CDK15: variants seen among roughly 807,000 people sequenced by gnomAD.
CDK15 encodes cyclin dependent kinase 15.
In CDK15, 62 loss-of-function variants were observed where a neutral mutation model predicts 60.3. That is an observed-to-expected ratio of 1.03 (90% CI 0.84 to 1.27). CDK15 has a LOEUF of 1.27. Among genes scored for constraint, CDK15 ranks in the 50% most tolerant of loss-of-function variants. CDK15 has a pLI of 0.00. For synonymous variants in CDK15, 194 were observed against 195.7 expected (o/e 0.99, Z 0.07); for missense variants, 541 against 527.8 (o/e 1.03, Z -0.25).
chr2:201,875,978 C>T (rs952947518), intron 11 of CDK15, among the ~76,000 whole-genome samples: 10 of 152,160 alleles, frequency 6.6e-5, no homozygotes, highest in Admixed American at 6.5e-5. Context: ...CCTTTAATAG[C>T]AGATTCTCAT....
intron 10 of CDK15, among the ~76,000 whole-genome samples, chr2:201,866,397 A>G (rs1698635243): frequency 6.6e-6 from 1 of 152,192 alleles, no homozygotes; most frequent in Admixed American, 6.5e-5. Context: ...GCTTTATTAA[A>G]TATTTATGAA....
rs1309547798 is a variant in CDK15, at chr2:201,878,508, C to T, written c.1059-1520C>T. Among the ~76,000 whole-genome samples the T allele has an allele frequency of 3.9e-5, 6 of 152,194 alleles. No individual in the cohort carries two copies. In the East Asian group the frequency reaches 9.6e-4, roughly 24 times the overall value. ...AGAAATCCTTTCCTGACCACCTCTT[C>T]CCATTATAGGTCAGGTATTGAGGCT... On this transcript the variant is annotated intron_variant, in intron 11 of 13. Transcript: ENST00000652192.
intron 4 of CDK15, among the ~76,000 whole-genome samples, chr2:201,819,152 G>C (rs1696115246): frequency 6.6e-6 from 1 of 152,096 alleles, no homozygotes; most frequent in Non-Finnish European, 1.5e-5. Flanking sequence ...GGGGTGGAGG[G>C]CTGCTGAGGT....
intron 11 of CDK15, among the ~76,000 whole-genome samples, chr2:201,879,595 G>A (rs1389451403): frequency 5.3e-5 from 8 of 152,150 alleles, no homozygotes; most frequent in African/African-American, 1.7e-4. Context: ...GGCCAGTCTG[G>A]TCCCAAACTC....
In CDK15 at chr2:201,807,605, T is replaced by G. The variant is rs764238297; in HGVS notation, c.235T>G (p.Cys79Gly). 372 of 1,614,004 alleles carry G rather than the reference T, an allele frequency of 2.3e-4. No individual in the cohort carries two copies. The highest frequency in any genetic ancestry group is 3.0e-4 in the Non-Finnish European group (355 of 1,180,032). Reference protein sequence around the residue: ...KSKRPRSNSDCFQEEDLRQGF... With the variant: ...KSKRPRSNSDGFQEEDLRQGF... ...TAAAAGGCCACGGAGTAACAGTGATTGTTTTCAGGAAGAGGATCTGAGGCA... is the reference window on the plus strand; with the variant it reads ...TAAAAGGCCACGGAGTAACAGTGATGGTTTTCAGGAAGAGGATCTGAGGCA... The change falls in exon 2 of 14, where the codon TGT (cysteine) becomes GGT (glycine). Residue 79 changes from cysteine to glycine, a missense_variant. By Grantham distance (159) the Cys-to-Gly change is radical. Coordinates refer to ENST00000652192, the MANE Select transcript of CDK15 (RefSeq NM_001366386.2).
In CDK15 at chr2:201,886,451, G is replaced by A. The variant is rs146866288; in HGVS notation, c.1199-4334G>A. Among the ~76,000 whole-genome samples, 423 of 151,746 alleles carry A rather than the reference G, an allele frequency of 2.8e-3. 7 individuals carry two copies. The highest frequency in any genetic ancestry group is 9.6e-3 in the African/African-American group (398 of 41,374). On this transcript the variant is annotated intron_variant, in intron 12 of 13. Transcript: ENST00000652192. ...AGAAATTCTCCCGCCTCAGCCTCCC[G>A]AGTAGCTGGGATTACCTGCCTGTGC...
At position 201,848,268 on chromosome 2, in the gene CDK15, T is replaced by C. The variant is rs565144043; in HGVS notation, c.945+794T>C. On this transcript the variant is annotated intron_variant, in intron 9 of 13. Transcript: ENST00000652192. ...TGCAGCTCCATTTCTTAATTCATTA[T>C]TTATCCCTACCGCAGTTGCCTATGA... Among the ~76,000 whole-genome samples, 8 of 152,332 alleles carry C rather than the reference T, an allele frequency of 5.3e-5. No individual in the cohort carries two copies. The East Asian group carries it at 1.5e-3, about 29-fold the overall frequency.
intron 10 of CDK15, among the ~76,000 whole-genome samples, chr2:201,864,358 C>G (rs541519012): frequency 1.3e-5 from 2 of 152,284 alleles, no homozygotes; most frequent in South Asian, 4.1e-4. Flanking sequence ...CACTCTGTCA[C>G]CCAGGCTGGG....
chr2:201,861,551 G>GTTTTTTTTTTTTTTTTTTTTTTTT (rs538808229), intron 10 of CDK15: 3 of 627,236 alleles, frequency 4.8e-6, no homozygotes, highest in African/African-American at 2.5e-5. Context: ...TTGTTGGTTT[G>GTTTTTTTTTTTTTTTTTTTTTTTT]TTTTTTTTTT....
chr2:201,887,280 G>T (rs1699484923), intron 12 of CDK15, among the ~76,000 whole-genome samples: 1 of 152,140 alleles, frequency 6.6e-6, no homozygotes, highest in African/African-American at 2.4e-5. Context: ...ATATTATAAA[G>T]TATCTCTGAA....
At position 201,822,857 on chromosome 2, in the gene CDK15, A is replaced by T; in HGVS notation, c.497A>T (p.Asp166Val). 6.2e-7 allele frequency: 1 copy of T among 1,613,416 alleles called. No individual in the cohort carries two copies. Residue 166 changes from aspartate to valine, a missense_variant, in exon 5 of 14, where the codon GAC (aspartate) becomes GTC (valine). Physicochemically the swap from Asp to Val is radical, Grantham distance 152. Coordinates refer to ENST00000652192, the MANE Select transcript of CDK15 (RefSeq NM_001366386.2). ...LKHANIVLLH[D>V]IIHTKETLTF... ...CATGCCAATATTGTGCTCCTGCATG[A>T]CATAATCCACACCAAAGAGACACTG... is the stretch of plus-strand genomic sequence containing the variant.
At chr2:201,860,855 T>C (rs1698364904) in intron 10 of CDK15, 1 of 1,352,066 alleles carries the variant, frequency 7.4e-7, no homozygotes. Flanking sequence ...TGTGAGAGCT[T>C]CACTGCGTCT....
Position 201,806,695 on chromosome 2 carries a change from C to T in CDK15, c.31C>T (p.Gln11Ter), listed in dbSNP as rs1695524252. MGQELCAKTV[Q>*]PGCSCYHCSE... ...TCAAGAGCTGTGTGCAAAGACTGTACAGCCTGGATGCAGCTGCTACCATTG... is the reference window on the plus strand; with the variant it reads ...TCAAGAGCTGTGTGCAAAGACTGTATAGCCTGGATGCAGCTGCTACCATTG... The change falls in exon 1 of 14, where the codon CAG becomes TAG. Residue 11 changes from glutamine (Q) to a stop codon, truncating the protein, a stop_gained. Transcript: ENST00000652192. LOFTEE classifies it high-confidence loss of function. The T allele has an allele frequency of 2.5e-6, 4 of 1,597,488 alleles. No individual in the cohort carries two copies. The African/African-American group carries it at 5.3e-5, about 21-fold the overall frequency.
In CDK15 at chr2:201,882,073, A is replaced by G. The variant is rs1019893688; in HGVS notation, c.1198+1906A>G. On this transcript the variant is annotated intron_variant, in intron 12 of 13. Coordinates refer to ENST00000652192, the MANE Select transcript of CDK15 (RefSeq NM_001366386.2). This position sits in a 1 kb window ranked among gnomAD's most constrained non-coding sequence, Gnocchi z 4.0. The stretch of plus-strand genomic sequence containing the variant: ...GAAGAAACAATCACTGTCCAAACTG[A>G]TGTGTTGTTAGAAACTTGGGTTTTG... Among the ~76,000 whole-genome samples the G allele has an allele frequency of 6.6e-6, 1 of 152,014 alleles. No homozygotes were observed. Among genetic ancestry groups the G allele is most frequent in the African/African-American group, 2.4e-5 (1 of 41,346 alleles).
At chr2:201,880,307 T>G in intron 12 of CDK15, 140 bp downstream of exon 12, 1 of 1,064,058 alleles carries the variant, frequency 9.4e-7, no homozygotes, top group Non-Finnish European at 1.3e-6. Context: ...GAGATCAGTT[T>G]GCCTGGGAGA....
intron 10 of CDK15, among the ~76,000 whole-genome samples, chr2:201,871,946 A>C (rs888028746): frequency 6.6e-6 from 1 of 152,040 alleles, no homozygotes; most frequent in African/African-American, 2.4e-5. Context: ...ATGTGAGTCA[A>C]ATTGCATTAG....
intron 6 of CDK15, among the ~76,000 whole-genome samples, chr2:201,830,599 T>C (rs1696709848): frequency 6.6e-6 from 1 of 152,170 alleles, no homozygotes; most frequent in African/African-American, 2.4e-5. Context: ...AGCAGATCAT[T>C]GGAGCTGAGG....
In CDK15 at chr2:201,882,319, T is replaced by C. The variant is rs756500503; in HGVS notation, c.1198+2152T>C. Among the ~76,000 whole-genome samples, 22 of 152,082 alleles carry C rather than the reference T, an allele frequency of 1.4e-4. No individual in the cohort carries two copies. The highest frequency in any genetic ancestry group is 2.6e-4 in the Non-Finnish European group (18 of 68,014). Reference sequence around the variant, plus strand: ...TTAGAAAAATGAAAAGATGGAATCTTGTAGGAGGCTGCCTGCACTAGCGGG... The same window carrying C: ...TTAGAAAAATGAAAAGATGGAATCTCGTAGGAGGCTGCCTGCACTAGCGGG... On this transcript the variant is annotated intron_variant, in intron 12 of 13. Transcript: ENST00000652192. The surrounding 1 kb of genome is among the most constrained non-coding windows in gnomAD (Gnocchi z 4.0).
intron 8 of CDK15, among the ~76,000 whole-genome samples, chr2:201,837,725 C>T (rs995177546): frequency 1.4e-4 from 22 of 152,170 alleles, no homozygotes; most frequent in African/African-American, 5.1e-4. Flanking sequence ...GTAGACAACT[C>T]CCCAAAGGTA....
Sources: allele counts gnomAD v4.1 joint callset (sites outside exome capture counted in the v4.1 genomes callset), GRCh38; gene constraint gnomAD v4.1.1; non-coding constraint Gnocchi (gnomAD v3.1); transcripts MANE v1.5; gene names NCBI Gene and HGNC (gene_info 2026-07-23, HGNC 2026-07-21).